Variants in UNC5D observed in about 807,000 individuals in gnomAD.
UNC5D encodes the protein unc-5 netrin receptor D.
In UNC5D, 39 loss-of-function variants were observed where a neutral mutation model predicts 105.4. The observed-to-expected ratio is 0.37, with a 90% CI of 0.29 to 0.48. UNC5D has a LOEUF of 0.48. UNC5D is among the 20% of genes least tolerant of loss of function. The pLI, the probability that UNC5D is intolerant of heterozygous loss-of-function variation, is 0.98. For synonymous variants in UNC5D, 452 were observed against 450.4 expected (o/e 1.00, Z -0.04); for missense variants, 991 against 1,202.4 (o/e 0.82, Z 2.60).
chr8:35,238,957 C>G (rs929259869), intron 1 of UNC5D, among the ~76,000 whole-genome samples: 2 of 152,156 alleles, frequency 1.3e-5, no homozygotes, highest in Non-Finnish European at 2.9e-5. Context: ...TTCTTCTGTT[C>G]CTTTTCCTCA....
Position 35,726,276 on chromosome 8 carries a change from C to A in UNC5D, c.1428C>A (p.Asn476Lys). The A allele has an allele frequency of 6.2e-7, 1 of 1,614,106 alleles. No homozygotes were observed. Among genetic ancestry groups the A allele is most frequent in the Non-Finnish European group, 8.5e-7 (1 of 1,180,000 alleles). The change falls in exon 10 of 17, where the codon AAC (asparagine) becomes AAA (lysine). Residue 476 changes from asparagine to lysine, a missense_variant. Asn to Lys is a moderately conservative substitution (Grantham distance 94). Transcript: ENST00000404895. ...TCATGACAGAGTCCTCACTCTTTAACCCTTTGTCGGACATCAAAGTGAAAG... is the reference window on the plus strand; with the variant it reads ...TCATGACAGAGTCCTCACTCTTTAAACCTTTGTCGGACATCAAAGTGAAAG... ...KELMTESSLF[N>K]PLSDIKVKVQ...
At chr8:35,614,300 C>A (rs72634955) in intron 4 of UNC5D, among the ~76,000 whole-genome samples, 3,603 of 152,210 alleles carry the variant, frequency 0.024, 61 homozygotes, top group Non-Finnish European at 0.036. Flanking sequence ...TGTGTTTAAC[C>A]TCAATCAAAC....
intron 1 of UNC5D, among the ~76,000 whole-genome samples, chr8:35,484,148 C>A (rs1289835258): frequency 6.6e-6 from 1 of 152,072 alleles, no homozygotes; most frequent in Non-Finnish European, 1.5e-5. Flanking sequence ...AAATCAATGC[C>A]AAGCTCCTTG....
chr8:35,513,236 T>TC (rs1302843724), intron 1 of UNC5D, among the ~76,000 whole-genome samples: 8 of 150,756 alleles, frequency 5.3e-5, no homozygotes, highest in Non-Finnish European at 1.0e-4. Flanking sequence ...TTTTTTTTTT[T>TC]TTTTTCCCCT....
chr8:35,710,934 C>CTTTTTTTTTTTTTTTTTTTTTTTTT (rs775014566), intron 8 of UNC5D, among the ~76,000 whole-genome samples: 1 of 114,374 alleles, frequency 8.7e-6, no homozygotes, highest in African/African-American at 4.0e-5. Context: ...CAGCATTATT[C>CTTTTTTTTTTTTTTTTTTTTTTTTT]TTTTTTTTTT....
intron 12 of UNC5D, among the ~76,000 whole-genome samples, chr8:35,749,160 A>T (rs1830141775): frequency 6.6e-6 from 1 of 151,264 alleles, no homozygotes; most frequent in South Asian, 2.1e-4. Context: ...AGGGCTTAAT[A>T]TTTTTTTTTA....
intron 1 of UNC5D, among the ~76,000 whole-genome samples, chr8:35,271,416 C>T (rs1472957752): frequency 7.4e-6 from 1 of 134,606 alleles, no homozygotes; most frequent in African/African-American, 2.8e-5. Context: ...TATATGTATA[C>T]ACACACATAT....
At chr8:35,654,317 C>G (rs969637754) in intron 4 of UNC5D, among the ~76,000 whole-genome samples, 8 of 152,134 alleles carry the variant, frequency 5.3e-5, no homozygotes, top group African/African-American at 1.9e-4. Context: ...GTTTTCCCTG[C>G]TCCACTTTCA....
chr8:35,384,805 G>C (rs1307447569), intron 1 of UNC5D, among the ~76,000 whole-genome samples: 1 of 152,188 alleles, frequency 6.6e-6, no homozygotes, highest in Non-Finnish European at 1.5e-5. Flanking sequence ...TCTTCTTTAT[G>C]ACTAAAGGTT....
chr8:35,757,899 G>T (rs1327603326), intron 13 of UNC5D, among the ~76,000 whole-genome samples: 1 of 152,118 alleles, frequency 6.6e-6, no homozygotes, highest in Admixed American at 6.5e-5. Context: ...GCACTGTACT[G>T]TCCAGTATGG....
intron 4 of UNC5D, among the ~76,000 whole-genome samples, chr8:35,617,333 G>A (rs777683806): frequency 4.6e-5 from 7 of 152,168 alleles, no homozygotes; most frequent in Non-Finnish European, 7.3e-5. Flanking sequence ...CTGCGTAACT[G>A]CTAGTAAAAT....
At chr8:35,244,909 G>A (rs906451650) in intron 1 of UNC5D, among the ~76,000 whole-genome samples, 1 of 151,878 alleles carries the variant, frequency 6.6e-6, no homozygotes, top group East Asian at 1.9e-4. Context: ...CCAGCTACTC[G>A]GGAGGCTGAG....
chr8:35,326,884 C>T (rs1810204859), intron 1 of UNC5D, among the ~76,000 whole-genome samples: 1 of 152,136 alleles, frequency 6.6e-6, no homozygotes, highest in Admixed American at 6.5e-5. Context: ...TTCAGGGCCT[C>T]TGGATGTTGG....
intron 1 of UNC5D, among the ~76,000 whole-genome samples, chr8:35,374,671 A>C (rs1017223647): frequency 6.6e-6 from 1 of 152,188 alleles, no homozygotes; most frequent in African/African-American, 2.4e-5. Flanking sequence ...ATTTATCTTT[A>C]ATCTTCCTCT....
chr8:35,398,186 T>A (rs1317545792), intron 1 of UNC5D, among the ~76,000 whole-genome samples: 2 of 152,244 alleles, frequency 1.3e-5, no homozygotes, highest in African/African-American at 4.8e-5. Flanking sequence ...AAGGGGATGT[T>A]ATTTATAATC....
At chr8:35,441,163 C>T (rs766986438) in intron 1 of UNC5D, among the ~76,000 whole-genome samples, 3 of 151,778 alleles carry the variant, frequency 2.0e-5, no homozygotes, top group Non-Finnish European at 4.4e-5. Flanking sequence ...TCACTACTGC[C>T]GTTTCAAATG....
In UNC5D at chr8:35,235,798, C is replaced by G; in HGVS notation, c.14C>G (p.Ala5Gly). MGRA[A>G]ATAGGGGGAR... is the part of the protein sequence containing the mutation. ...GCGGCGAGGAGCATGGGGAGAGCGGCGGCCACCGCAGGCGGCGGCGGAGGG... is the reference window on the plus strand; with the variant it reads ...GCGGCGAGGAGCATGGGGAGAGCGGGGGCCACCGCAGGCGGCGGCGGAGGG... Residue 5 changes from alanine (A) to glycine (G), a missense_variant, in exon 1 of 17, where the codon GCG becomes GGG. Coordinates refer to ENST00000404895, the MANE Select transcript of UNC5D (RefSeq NM_080872.4). 1 of 1,229,812 alleles carries G rather than the reference C, an allele frequency of 8.1e-7. No homozygotes were observed. The highest frequency in any genetic ancestry group is 1.0e-6 in the Non-Finnish European group (1 of 986,104). The allele number at this position is 1,229,812 out of a possible 1,614,324, so 76.2% of individuals were successfully genotyped here.
intron 1 of UNC5D, chr8:35,544,463 G>C (rs1563519535): frequency 1.2e-6 from 2 of 1,613,896 alleles, no homozygotes; most frequent in Non-Finnish European, 1.7e-6. Context: ...CCTGGTGTTA[G>C]TTAAAGCTCT....
chr8:35,289,136 CATG>C (rs1806841842), intron 1 of UNC5D, among the ~76,000 whole-genome samples: 1 of 152,060 alleles, frequency 6.6e-6, no homozygotes, highest in Non-Finnish European at 1.5e-5. Flanking sequence ...AGTAATGATA[CATG>C]AACTGAAAGA....
Sources: gnomAD v4.1 joint callset for allele counts (sites outside exome capture counted in the v4.1 genomes callset) on GRCh38, gnomAD v4.1.1 for gene constraint, MANE v1.5 for transcripts, NCBI Gene and HGNC (gene_info 2026-07-23, HGNC 2026-07-21) for gene names.